The following KCNH7 variants were observed in gnomAD, a reference collection of about 807,000 sequenced individuals.
KCNH7 encodes the protein potassium voltage-gated channel subfamily H member 7, also known as voltage-gated inwardly rectifying potassium channel KCNH7.
A neutral mutation model predicts 120.8 loss-of-function variants in KCNH7; 49 were observed. That is an observed-to-expected ratio of 0.41 (90% confidence interval 0.32 to 0.51). The LOEUF is 0.51. Ranked by LOEUF, KCNH7 falls within the 20% of genes least tolerant of loss-of-function variation. The pLI is 0.38. For missense variants in KCNH7, 1,097 were observed against 1,446.6 expected (o/e 0.76, Z 3.92); for synonymous variants, 547 against 516.1 (o/e 1.06, Z -0.81).
intron 2 of KCNH7, among the ~76,000 whole-genome samples, chr2:162,807,119 C>CA (rs1279761786): frequency 6.6e-6 from 1 of 150,946 alleles, no homozygotes; most frequent in Non-Finnish European, 1.5e-5. Flanking sequence ...CAAAAACAAA[C>CA]AAAAAACAAG....
At chr2:162,475,261 G>T (rs1286358765) in intron 6 of KCNH7, among the ~76,000 whole-genome samples, 1 of 152,150 alleles carries the variant, frequency 6.6e-6, no homozygotes, top group Non-Finnish European at 1.5e-5. Context: ...TTTCCAGGAG[G>T]ACATTACCGT....
chr2:162,778,947 T>TC (rs71410044), intron 2 of KCNH7, among the ~76,000 whole-genome samples: 1 of 45,308 alleles, frequency 2.2e-5, no homozygotes, highest in East Asian at 6.4e-4. Flanking sequence ...GAACAAATTC[T>TC]TTTTTTTTTT....
chr2:162,529,341 G>T (rs147324413), intron 3 of KCNH7, among the ~76,000 whole-genome samples: 75 of 152,022 alleles, frequency 4.9e-4, no homozygotes, highest in Middle Eastern at 3.4e-3. Flanking sequence ...TGTTACAGAG[G>T]TGGAAAGACT....
At chr2:162,801,002 T>A (rs1421002854) in intron 2 of KCNH7, among the ~76,000 whole-genome samples, 1 of 151,882 alleles carries the variant, frequency 6.6e-6, no homozygotes, top group African/African-American at 2.4e-5. Context: ...TACATACAAA[T>A]ATTGACATTT....
intron 2 of KCNH7, among the ~76,000 whole-genome samples, chr2:162,752,314 A>G (rs983208714): frequency 5.3e-5 from 8 of 152,192 alleles, no homozygotes; most frequent in Non-Finnish European, 7.3e-5. Flanking sequence ...GAAAATAAAC[A>G]TAGCTTTATA....
chr2:162,469,396 A>G (rs1689419263), intron 6 of KCNH7, among the ~76,000 whole-genome samples: 1 of 152,188 alleles, frequency 6.6e-6, no homozygotes. Context: ...GGCTGACCTG[A>G]GTAGTTTGTA....
At chr2:162,495,822 A>G (rs374684421) in intron 6 of KCNH7, among the ~76,000 whole-genome samples, 27 of 152,164 alleles carry the variant, frequency 1.8e-4, no homozygotes, top group African/African-American at 6.3e-4. Flanking sequence ...AATTCTGGGC[A>G]ATTATCCTGC....
chr2:162,553,760 A>G (rs1257655228), intron 2 of KCNH7, among the ~76,000 whole-genome samples: 4 of 152,232 alleles, frequency 2.6e-5, no homozygotes, highest in Non-Finnish European at 5.9e-5. Context: ...AATTGTCTCA[A>G]AAGATAATGT....
intron 3 of KCNH7, among the ~76,000 whole-genome samples, chr2:162,527,062 T>G (rs1180206782): frequency 6.6e-6 from 1 of 151,960 alleles, no homozygotes; most frequent in Non-Finnish European, 1.5e-5. Flanking sequence ...CCCGCAACAT[T>G]TTCAACTACT....
At chr2:162,491,575 C>T (rs751297149) in intron 6 of KCNH7, among the ~76,000 whole-genome samples, 6 of 152,154 alleles carry the variant, frequency 3.9e-5, no homozygotes, top group Non-Finnish European at 8.8e-5. Context: ...TTACCAACAG[C>T]AGGAAGGAGT....
chr2:162,476,780 C>T (rs2105665492), intron 6 of KCNH7, among the ~76,000 whole-genome samples: 1 of 152,188 alleles, frequency 6.6e-6, no homozygotes, highest in East Asian at 1.9e-4. Context: ...AAGGCCTTTC[C>T]AGAGAATAAT....
chr2:162,524,658 A>T, intron 3 of KCNH7, among the ~76,000 whole-genome samples: 1 of 151,966 alleles, frequency 6.6e-6, no homozygotes, highest in East Asian at 2.0e-4. Context: ...CAGTGTGAGA[A>T]TTTTCTCCAA....
chr2:162,745,601 A>T (rs1427689916), intron 2 of KCNH7, among the ~76,000 whole-genome samples: 1 of 152,186 alleles, frequency 6.6e-6, no homozygotes, highest in Admixed American at 6.5e-5. Context: ...TTTTCTTGGA[A>T]AAATCAATAG....
intron 2 of KCNH7, among the ~76,000 whole-genome samples, chr2:162,612,234 G>C (rs1170549556): frequency 3.3e-5 from 5 of 152,104 alleles, no homozygotes; most frequent in Admixed American, 1.3e-4. Context: ...CTTTGCAAGA[G>C]TTTGCCAATC....
intron 6 of KCNH7, among the ~76,000 whole-genome samples, chr2:162,482,579 T>A (rs1170005079): frequency 6.6e-6 from 1 of 152,194 alleles, no homozygotes; most frequent in Non-Finnish European, 1.5e-5. Context: ...TGGGAATAGC[T>A]GTTGCAAACA....
At chr2:162,397,392 T>C (rs1287820658) in intron 10 of KCNH7, among the ~76,000 whole-genome samples, 1 of 151,836 alleles carries the variant, frequency 6.6e-6, no homozygotes, top group Non-Finnish European at 1.5e-5. Flanking sequence ...GGAGCTGTTT[T>C]AACACTTAGT....
At chr2:162,619,451 C>T (rs1307582659) in intron 2 of KCNH7, among the ~76,000 whole-genome samples, 1 of 128,148 alleles carries the variant, frequency 7.8e-6, no homozygotes, top group Non-Finnish European at 1.6e-5. Context: ...GTCCAGGACA[C>T]TCAATTGTTA....
chr2:162,519,122 G>C (rs1326991180), intron 3 of KCNH7, among the ~76,000 whole-genome samples: 1 of 151,712 alleles, frequency 6.6e-6, no homozygotes, highest in Non-Finnish European at 1.5e-5. Flanking sequence ...CTGACATTTT[G>C]GCGGTGGGAT....
chr2:162,765,389 G>A (rs1268687875), intron 2 of KCNH7, among the ~76,000 whole-genome samples: 1 of 152,116 alleles, frequency 6.6e-6, no homozygotes, highest in Non-Finnish European at 1.5e-5. Context: ...ACAAGGATGA[G>A]TGTTCACACT....
Sources: gnomAD v4.1 joint callset for allele counts (sites outside exome capture counted in the v4.1 genomes callset) on GRCh38, gnomAD v4.1.1 for gene constraint, MANE v1.5 for transcripts, NCBI Gene and HGNC (gene_info 2026-07-23, HGNC 2026-07-21) for gene names.